CHCHD3: variants seen among roughly 807,000 people sequenced by gnomAD.
CHCHD3 encodes the protein MICOS complex subunit MIC19.
CHCHD3 carries 20 observed loss-of-function variants against 38.2 expected under a neutral mutation model. The observed-to-expected ratio is 0.52, with a 90% confidence interval of 0.37 to 0.76. The LOEUF (loss-of-function observed/expected upper bound fraction) is 0.76, where lower values mean the gene tolerates loss of function less well. Among genes scored for constraint, CHCHD3 ranks in the 30% least tolerant of loss-of-function variants. The probability of loss-of-function intolerance (pLI) is 0.00; values close to 1 mark genes in which losing one functional copy is unlikely to be tolerated. For synonymous variants in CHCHD3, 82 were observed against 100.0 expected, an observed-to-expected ratio of 0.82 and a Z score of 1.07; for missense variants, 245 against 279.2, an observed-to-expected ratio of 0.88 and a Z score of 0.87.
At chr7:132,974,248 A>G (rs1172648189) in intron 4 of CHCHD3, among the ~76,000 whole-genome samples, 2 of 152,244 alleles carry the variant, frequency 1.3e-5, no homozygotes, top group African/African-American at 2.4e-5. Context: ...AACCATGGTT[A>G]TATCAGAAAG....
intron 4 of CHCHD3, chr7:132,973,993 C>G (rs1811688612): frequency 2.7e-5 from 35 of 1,287,600 alleles, no homozygotes; most frequent in Non-Finnish European, 3.4e-5. Flanking sequence ...AGTCAACACT[C>G]CAGGTTTCAC....
chr7:132,934,382 A>G (rs781693583), intron 4 of CHCHD3, among the ~76,000 whole-genome samples: 3 of 152,162 alleles, frequency 2.0e-5, no homozygotes, highest in African/African-American at 4.8e-5. Context: ...GAGGATTTCT[A>G]TATCCTAGAG....
chr7:132,904,637 T>C (rs1011284979), intron 4 of CHCHD3, among the ~76,000 whole-genome samples: 2 of 152,182 alleles, frequency 1.3e-5, no homozygotes, highest in African/African-American at 4.8e-5. Flanking sequence ...TTTTACACTG[T>C]TGGTGGGACT....
chr7:133,058,300 T>C (rs1251524520), intron 2 of CHCHD3, among the ~76,000 whole-genome samples: 1 of 151,708 alleles, frequency 6.6e-6, no homozygotes, highest in Non-Finnish European at 1.5e-5. Flanking sequence ...AGTGCAGGGA[T>C]GCAAACATAG....
At chr7:132,816,596 C>T (rs893356102) in intron 6 of CHCHD3, among the ~76,000 whole-genome samples, 4 of 152,174 alleles carry the variant, frequency 2.6e-5, no homozygotes, top group South Asian at 2.1e-4. Context: ...CCCCCAAATC[C>T]GAGAGCAGGG....
intron 6 of CHCHD3, chr7:132,815,716 T>C (rs1355347222): frequency 2.9e-6 from 1 of 339,778 alleles, no homozygotes; most frequent in Non-Finnish European, 5.8e-6. Flanking sequence ...TCCTTCTTTT[T>C]TCCTTCTCTC....
At chr7:132,792,288 C>G (rs1044406763) in intron 7 of CHCHD3, among the ~76,000 whole-genome samples, 1 of 152,170 alleles carries the variant, frequency 6.6e-6, no homozygotes, top group African/African-American at 2.4e-5. Flanking sequence ...TTCTAATGGC[C>G]TTTATTAGCC....
At chr7:132,925,502 A>G (rs533352110) in intron 4 of CHCHD3, among the ~76,000 whole-genome samples, 292 of 152,360 alleles carry the variant, frequency 1.9e-3, no homozygotes, top group Non-Finnish European at 3.0e-3. Context: ...ACTTAATTAA[A>G]TGCTTTATTT....
chr7:133,034,527 T>TTTTTC (rs1294420100), intron 2 of CHCHD3: 4 of 544,612 alleles, frequency 7.3e-6, no homozygotes, highest in Non-Finnish European at 1.2e-5. Flanking sequence ...TTTTTTTTTT[T>TTTTTC]TTTCAATGTT....
At chr7:132,999,133 T>G (rs1812499379) in intron 3 of CHCHD3, among the ~76,000 whole-genome samples, 2 of 152,134 alleles carry the variant, frequency 1.3e-5, no homozygotes, top group African/African-American at 4.8e-5. Context: ...CAAACAACAC[T>G]ATTCAAAGAA....
At chr7:132,961,958 T>C (rs1811330977) in intron 4 of CHCHD3, among the ~76,000 whole-genome samples, 1 of 152,218 alleles carries the variant, frequency 6.6e-6, no homozygotes, top group Admixed American at 6.5e-5. Context: ...CCAATTTAAG[T>C]TTATTTTCCT....
intron 3 of CHCHD3, among the ~76,000 whole-genome samples, chr7:133,018,691 G>A (rs1167297693): frequency 6.6e-6 from 1 of 152,010 alleles, no homozygotes; most frequent in Non-Finnish European, 1.5e-5. Context: ...CAATTTCAAA[G>A]AGATAATTTA....
At position 133,050,487 on chromosome 7, in the gene CHCHD3, T is replaced by C. The variant is rs57237445; in HGVS notation, c.169+19655A>G. Among the ~76,000 whole-genome samples, 682 of 150,280 alleles carry C rather than the reference T, an allele frequency of 4.5e-3. 5 individuals are homozygous for C. Among genetic ancestry groups the C allele is most frequent in the African/African-American group, 0.016 (651 of 40,830 alleles). ...CTTAATGGCACACAGGGTGACAGTA[T>C]AGGAAAAAACACTCACATGGACAAC... On this transcript the variant is annotated intron_variant, in intron 2 of 7. Coordinates refer to ENST00000262570, the MANE Select transcript of CHCHD3 (RefSeq NM_017812.4).
At chr7:132,968,636 C>A (rs1407124627) in intron 4 of CHCHD3, among the ~76,000 whole-genome samples, 1 of 152,126 alleles carries the variant, frequency 6.6e-6, no homozygotes, top group Non-Finnish European at 1.5e-5. Flanking sequence ...CACCCAAAAA[C>A]AACAGATTTC....
At chr7:133,011,806 A>T (rs1296622310) in intron 3 of CHCHD3, among the ~76,000 whole-genome samples, 1 of 152,232 alleles carries the variant, frequency 6.6e-6, no homozygotes, top group Non-Finnish European at 1.5e-5. Flanking sequence ...ATCTTTAAAA[A>T]ATTATTTTAT....
intron 2 of CHCHD3, among the ~76,000 whole-genome samples, chr7:133,024,860 T>G (rs1459907873): frequency 2.0e-5 from 3 of 152,082 alleles, no homozygotes; most frequent in Admixed American, 6.5e-5. Flanking sequence ...CTGCCAAAAT[T>G]TATAACAAAC....
At chr7:132,811,899 C>T (rs1019937915) in intron 6 of CHCHD3, among the ~76,000 whole-genome samples, 2 of 152,172 alleles carry the variant, frequency 1.3e-5, no homozygotes, top group Middle Eastern at 3.2e-3. Context: ...GCTTTAAATA[C>T]CATCTGTGTG....
At chr7:132,922,977 C>T (rs941001682) in intron 4 of CHCHD3, among the ~76,000 whole-genome samples, 1 of 152,118 alleles carries the variant, frequency 6.6e-6, no homozygotes, top group South Asian at 2.1e-4. Flanking sequence ...TGTGAAAAAC[C>T]TACTCATTCC....
At chr7:133,039,379 T>C (rs1813767288) in intron 2 of CHCHD3, among the ~76,000 whole-genome samples, 1 of 152,232 alleles carries the variant, frequency 6.6e-6, no homozygotes, top group Admixed American at 6.5e-5. Context: ...TCATTCCTTA[T>C]AGTAGCAAGA....
Sources: gnomAD v4.1 joint callset for allele counts (sites outside exome capture counted in the v4.1 genomes callset) on GRCh38, gnomAD v4.1.1 for gene constraint, MANE v1.5 for transcripts, NCBI Gene and HGNC (gene_info 2026-07-23, HGNC 2026-07-21) for gene names.